Variants in PRCP observed in about 807,000 individuals in gnomAD.
PRCP encodes the protein prolylcarboxypeptidase, also known as lysosomal Pro-X carboxypeptidase.
In PRCP, 46 loss-of-function variants were observed where a neutral mutation model predicts 54.2. The observed-to-expected ratio is 0.85, with a 90% CI of 0.67 to 1.09. The LOEUF is 1.09. Among genes scored for constraint, PRCP ranks in the 50% least tolerant of loss-of-function variants. The pLI is 0.00. For synonymous variants in PRCP, 240 were observed against 212.2 expected, an observed-to-expected ratio of 1.13 and a Z score of -1.14; for missense variants, 613 against 596.8, an observed-to-expected ratio of 1.03 and a Z score of -0.28.
intron 6 of PRCP, chr11:82,839,763 T>G (rs1591041005): frequency 8.1e-6 from 2 of 247,100 alleles, no homozygotes. Context: ...TTTCTCACCC[T>G]GAAACACTGT....
chr11:82,845,703 A>T (rs1361958897), intron 6 of PRCP: 1 of 152,270 alleles, frequency 6.6e-6, no homozygotes, highest in Non-Finnish European at 1.5e-5. Context: ...CTATGCTGAA[A>T]TATTTGAGAA....
chr11:82,898,744 T>C (rs1431298041), intron 1 of PRCP, among the ~76,000 whole-genome samples: 1 of 152,250 alleles, frequency 6.6e-6, no homozygotes, highest in Non-Finnish European at 1.5e-5. Context: ...CCTAGAGAAT[T>C]AATTTAAGGG....
At chr11:82,828,097 CA>C (rs751778947) in intron 8 of PRCP, 9 of 152,156 alleles carry the variant, frequency 5.9e-5, no homozygotes, top group Non-Finnish European at 1.3e-4. Flanking sequence ...TTCATTGTAA[CA>C]ACCCTATGAA....
At chr11:82,877,331 T>C (rs1859628853) in intron 1 of PRCP, among the ~76,000 whole-genome samples, 1 of 152,252 alleles carries the variant, frequency 6.6e-6, no homozygotes, top group Non-Finnish European at 1.5e-5. Context: ...TCAAACCAGC[T>C]GCAGAAATTG....
At chr11:82,840,992 C>T (rs937492545) in intron 6 of PRCP, 1 of 110,146 alleles carries the variant, frequency 9.1e-6, no homozygotes, top group African/African-American at 4.0e-5. Flanking sequence ...TCTCTATTGA[C>T]TCTGACATGA....
Position 82,849,202 on chromosome 11 carries a change from C to T in PRCP, c.768G>A (p.Trp256Ter). ...TGCATAAGTGAAGGGCTCCAGTAAGCCACTGCAAACCACTGCCTGGGAATA... is the reference window on the plus strand; with the variant it reads ...TGCATAAGTGAAGGGCTCCAGTAAGTCACTGCAAACCACTGCCTGGGAATA... The part of the protein sequence containing the change: ...RLSNTGSGLQ[W>*]LTGALHLCSP... The change falls in exon 6 of 9, where the codon TGG (tryptophan) becomes TGA (stop). Residue 256 changes from tryptophan (W) to a stop codon, truncating the protein, a stop_gained. Coordinates refer to ENST00000313010, the MANE Select transcript of PRCP (RefSeq NM_005040.4). LOFTEE classifies it high-confidence loss of function. The T allele has an allele frequency of 6.2e-7, 1 of 1,613,914 alleles. No individual in the cohort carries two copies. Among genetic ancestry groups the T allele is most frequent in the Non-Finnish European group, 8.5e-7 (1 of 1,179,868 alleles).
chr11:82,870,073 T>A (rs1000304860), intron 1 of PRCP, among the ~76,000 whole-genome samples: 10 of 152,244 alleles, frequency 6.6e-5, no homozygotes, highest in African/African-American at 2.4e-4. Context: ...ATATAATTGA[T>A]CTTGGTGACA....
At chr11:82,844,747 A>AAAGAAAG (rs1555014083) in intron 6 of PRCP, among the ~76,000 whole-genome samples, 41 of 136,074 alleles carry the variant, frequency 3.0e-4, no homozygotes, top group Non-Finnish European at 4.9e-4. Flanking sequence ...AAAAAAAAAA[A>AAAGAAAG]AAAGAAAGAA....
intron 6 of PRCP, among the ~76,000 whole-genome samples, chr11:82,848,071 C>T (rs1448816047): frequency 1.3e-5 from 2 of 152,180 alleles, no homozygotes; most frequent in Non-Finnish European, 2.9e-5. Context: ...GTTTAAGTTA[C>T]AAATTTTTAA....
At chr11:82,830,512 C>T (rs1228030179) in intron 8 of PRCP, 1 of 151,180 alleles carries the variant, frequency 6.6e-6, no homozygotes, top group East Asian at 2.0e-4. Context: ...CATGTAGTCC[C>T]AGCTACTTGG....
At position 82,858,599 on chromosome 11, in the gene PRCP, C is replaced by T. The variant is rs188964373; in HGVS notation, c.309+1378G>A. 3.3e-4 allele frequency: 50 copies of T among 152,246 alleles called. 1 individual carries two copies. The East Asian group carries it at 4.8e-3, about 15-fold the overall frequency. The allele number at this position is 152,246 out of a possible 1,614,324, so 9.4% of individuals were successfully genotyped here. A position where few individuals can be genotyped will look rare whatever the true frequency, so the allele number is the denominator to read the frequency against. On this transcript the variant is annotated intron_variant, in intron 2 of 8. Coordinates refer to ENST00000313010, the MANE Select transcript of PRCP (RefSeq NM_005040.4). The stretch of plus-strand genomic sequence containing the variant: ...TGCCACAGTGCCTGTCAGAGTAGTG[C>T]CTAGTGGAGGCAGGAACAGCTACCT...
At chr11:82,882,546 A>AGTGCAGTGGC (rs1005808046) in intron 1 of PRCP, among the ~76,000 whole-genome samples, 7 of 132,126 alleles carry the variant, frequency 5.3e-5, no homozygotes, top group Admixed American at 1.6e-4. Flanking sequence ...CCCAGGCTGG[A>AGTGCAGTGGC]GTGCAGTGGC....
chr11:82,876,718 C>A (rs944759006), intron 1 of PRCP, among the ~76,000 whole-genome samples: 9 of 152,178 alleles, frequency 5.9e-5, no homozygotes, highest in African/African-American at 2.2e-4. Flanking sequence ...TGAGGCCTCC[C>A]CAGCCCTGTG....
intron 1 of PRCP, among the ~76,000 whole-genome samples, chr11:82,876,543 G>A (rs1361797142): frequency 6.6e-6 from 1 of 152,192 alleles, no homozygotes; most frequent in Non-Finnish European, 1.5e-5. Flanking sequence ...AGACCGGGGG[G>A]AGGTTACTGA....
At chr11:82,851,554 C>G (rs1219827869) in intron 3 of PRCP, among the ~76,000 whole-genome samples, 1 of 151,032 alleles carries the variant, frequency 6.6e-6, no homozygotes, top group Non-Finnish European at 1.5e-5. Flanking sequence ...CACCAGCTGA[C>G]ATCCTAACCT....
chr11:82,870,129 A>G (rs954669480), intron 1 of PRCP, among the ~76,000 whole-genome samples: 1 of 152,270 alleles, frequency 6.6e-6, no homozygotes, highest in Non-Finnish European at 1.5e-5. Flanking sequence ...CTTTAAAGTC[A>G]TGGCTGTCAG....
In PRCP at chr11:82,838,538, C is replaced by G. The variant is rs766024311; in HGVS notation, c.1123G>C (p.Gly375Arg). 20 of 1,613,912 alleles carry G rather than the reference C, an allele frequency of 1.2e-5. 1 individual carries two copies. The South Asian group carries it at 2.2e-4, about 18-fold the overall frequency. Residue 375 changes from glycine to arginine, a missense_variant, in exon 8 of 9, where the codon GGT becomes CGT. Transcript: ENST00000313010. The stretch of plus-strand genomic sequence containing the variant: ...TGAGGTTCAAACATGTCATCGACAC[C>G]ATTAGTACAAAAGGGCATGACTACT... ...TEVVMPFCTNGVDDMFEPHSW... is the reference protein window; with the variant it reads ...TEVVMPFCTNRVDDMFEPHSW...
intron 1 of PRCP, among the ~76,000 whole-genome samples, chr11:82,861,117 G>A (rs78997702): frequency 3.9e-4 from 60 of 152,102 alleles, no homozygotes; most frequent in Middle Eastern, 3.4e-3. Flanking sequence ...AAAGGAAAAG[G>A]TTCATTTGCC....
At chr11:82,850,643 T>A in intron 3 of PRCP, 138 bp from the exon 4 acceptor site, 1 of 534,234 alleles carries the variant, frequency 1.9e-6, no homozygotes, top group Non-Finnish European at 3.0e-6. Flanking sequence ...CTAAAATGCC[T>A]AGTCAAAGCA....
Sources: gnomAD v4.1 joint callset for allele counts (sites outside exome capture counted in the v4.1 genomes callset) on GRCh38, gnomAD v4.1.1 for gene constraint, MANE v1.5 for transcripts, NCBI Gene and HGNC (gene_info 2026-07-23, HGNC 2026-07-21) for gene names.